NOL4L: variants seen among roughly 807,000 people sequenced by gnomAD.
NOL4L encodes nucleolar protein 4-like.
Under a neutral mutation model 64.5 loss-of-function variants are expected in NOL4L, and 7 were observed. The ratio of observed to expected loss-of-function variants is 0.11; its 90% CI spans 0.06 to 0.20. NOL4L has a LOEUF of 0.20. Ranked by LOEUF, NOL4L falls within the 10% of genes least tolerant of loss-of-function variation. The pLI is 1.00. For synonymous variants in NOL4L, 413 were observed against 401.0 expected, an observed-to-expected ratio of 1.03 and a Z score of -0.36; for missense variants, 680 against 967.1, an observed-to-expected ratio of 0.70 and a Z score of 3.94.
chr20:32,505,723 T>C (rs529801091), intron 4 of NOL4L, among the ~76,000 whole-genome samples: 1 of 152,084 alleles, frequency 6.6e-6, no homozygotes, highest in Admixed American at 6.6e-5. Flanking sequence ...CTCAAAAAAC[T>C]AACAAAAAGG....
chr20:32,452,111 T>G (rs987375017), intron 10 of NOL4L, 125 bp downstream of exon 10: 2 of 781,092 alleles, frequency 2.6e-6, no homozygotes, highest in Non-Finnish European at 3.7e-6. Flanking sequence ...CTCCCTATGC[T>G]GTGAGGCAGC....
intron 3 of NOL4L, chr20:32,519,469 C>T (rs1383822739): frequency 1.2e-5 from 1 of 85,698 alleles, no homozygotes; most frequent in Non-Finnish European, 1.9e-5. Context: ...TTTCCATCCT[C>T]GGGCCTGACT....
In NOL4L at chr20:32,532,263, G is replaced by A. The variant is rs76113117; in HGVS notation, c.322-4350C>T. The A allele has an allele frequency of 0.011, 6,875 of 643,310 alleles. 449 individuals carry two copies. The African/African-American group carries it at 0.13, about 12-fold the overall frequency. 39.9% of individuals were successfully genotyped at this position (643,310 alleles called of 1,614,324 possible). A position where few individuals can be genotyped will look rare whatever the true frequency, so the allele number is the denominator to read the frequency against. On this transcript the variant is annotated intron_variant, in intron 1 of 10. Transcript: ENST00000621426. ...TACAGCAAAGATTTACATAGGAAAG[G>A]AGAGGGCCTGGAGCGACCAGAACTC...
chr20:32,505,971 G>A (rs923496291), intron 4 of NOL4L, among the ~76,000 whole-genome samples: 4 of 152,046 alleles, frequency 2.6e-5, no homozygotes, highest in African/African-American at 9.7e-5. Flanking sequence ...AGTTGGTGAT[G>A]GTTGTGCAAC....
chr20:32,488,715 TTTC>T lies in NOL4L; in HGVS notation c.700-13976_700-13974del, dbSNP rs1313615820. On this transcript the variant is annotated intron_variant, in intron 4 of 10. Coordinates refer to ENST00000621426, the MANE Select transcript of NOL4L (RefSeq NM_001256798.2). ...GCACTGTGTTTACGGGGCACTTGTA[TTTC>T]TTTTTCTTTCTTTCTTTTCTTTCTT... Among the ~76,000 whole-genome samples the T allele has an allele frequency of 9.9e-5, 15 of 152,240 alleles. No individual in the cohort carries two copies. The East Asian group carries it at 2.9e-3, about 29-fold the overall frequency.
In NOL4L at chr20:32,536,799, T is replaced by TGGGC. The variant is rs1555805640; in HGVS notation, c.322-8887_322-8886insGCCC. Among the ~76,000 whole-genome samples the TGGGC allele has an allele frequency of 1.3e-4, 4 of 31,860 alleles. 1 individual carries two copies. The highest frequency in any genetic ancestry group is 5.2e-4 in the African/African-American group (4 of 7,718). 20.9% of individuals were successfully genotyped at this position (31,860 alleles called of 152,430 possible). On this transcript the variant is annotated intron_variant, in intron 1 of 10. Transcript: ENST00000621426. Reference sequence around the variant, plus strand: ...TCCGCGGCTGCAGCCCGGCTGGGAGTGGGGGGGGGGGGGCGCACCAACGGG... The same window carrying TGGGC: ...TCCGCGGCTGCAGCCCGGCTGGGAGTGGGCGGGGGGGGGGGGGCGCACCAACGGG...
intron 1 of NOL4L, among the ~76,000 whole-genome samples, chr20:32,541,626 C>T (rs953741369): frequency 4.6e-5 from 7 of 152,222 alleles, no homozygotes; most frequent in African/African-American, 1.7e-4. Context: ...CTGAGCTGCC[C>T]TCAGAGGCCC....
At chr20:32,488,881 TTC>T (rs1491228910) in intron 4 of NOL4L, among the ~76,000 whole-genome samples, 6 of 100,396 alleles carry the variant, frequency 6.0e-5, no homozygotes, top group African/African-American at 6.2e-5. Flanking sequence ...CTTTCTTTCT[TTC>T]TTTCTTTCTT....
At chr20:32,512,093 G>C (rs1462695151) in intron 3 of NOL4L, among the ~76,000 whole-genome samples, 1 of 152,090 alleles carries the variant, frequency 6.6e-6, no homozygotes, top group Non-Finnish European at 1.5e-5. Context: ...CTTCTTTGAA[G>C]AACATAAGGT....
At chr20:32,511,147 G>A in intron 4 of NOL4L, 200 bp downstream of exon 4, 1 of 497,806 alleles carries the variant, frequency 2.0e-6, no homozygotes. Context: ...CTGCAGGGCT[G>A]TCTGCACAGG....
intron 1 of NOL4L, among the ~76,000 whole-genome samples, chr20:32,579,263 C>T (rs1017691685): frequency 6.6e-6 from 1 of 152,236 alleles, no homozygotes; most frequent in Non-Finnish European, 1.5e-5. Flanking sequence ...CACGCACACA[C>T]ACACAAGCAT....
rs2018180140 is a variant in NOL4L at position 32,527,614 on chromosome 20, G to T, written c.477+144C>A. ...AGCCATCTCTGGCTGCCGTGCCCTTGCCCTGTGCCCCCCTAGATCCCCAAA... is the reference window on the plus strand; with the variant it reads ...AGCCATCTCTGGCTGCCGTGCCCTTTCCCTGTGCCCCCCTAGATCCCCAAA... On this transcript the variant is annotated intron_variant, in intron 2 of 10. Coordinates refer to ENST00000621426, the MANE Select transcript of NOL4L (RefSeq NM_001256798.2). 6 of 911,964 alleles carry T rather than the reference G, an allele frequency of 6.6e-6. No homozygotes were observed. In the South Asian group the frequency reaches 1.2e-4, roughly 18 times the overall value. 56.5% of individuals were successfully genotyped at this position (911,964 alleles called of 1,614,324 possible). A position where few individuals can be genotyped will look rare whatever the true frequency, so the allele number is the denominator to read the frequency against.
intron 1 of NOL4L, chr20:32,532,508 G>T: frequency 3.2e-6 from 1 of 309,856 alleles, no homozygotes; most frequent in Non-Finnish European, 4.7e-6. Flanking sequence ...TAACCTTCAT[G>T]CTAAATGCTG....
Position 32,453,856 on chromosome 20 carries a change from C to T in NOL4L, c.1120-95G>A. On this transcript the variant is annotated intron_variant, in intron 6 of 10. Transcript: ENST00000621426. The surrounding 1 kb of genome is among the most constrained non-coding windows in gnomAD (Gnocchi z 5.6). The stretch of plus-strand genomic sequence containing the variant: ...GCGGTGAGCTTGGGGACCAGGGTGG[C>T]ACGCATGCCCTGCTGCCACGAGAGC... 2 of 1,163,816 alleles carry T rather than the reference C, an allele frequency of 1.7e-6. No individual in the cohort carries two copies. Among genetic ancestry groups the T allele is most frequent in the Admixed American group, 2.2e-5 (1 of 44,806 alleles). The allele number at this position is 1,163,816 out of a possible 1,614,324, so 72.1% of individuals were successfully genotyped here.
At chr20:32,584,515 G>T in intron 1 of NOL4L, 55 bp downstream of exon 1, 3 of 555,934 alleles carry the variant, frequency 5.4e-6, no homozygotes, top group Non-Finnish European at 7.4e-6. Flanking sequence ...GCCCCCGCCC[G>T]CCTGCCCCAA....
rs1293109731 is a variant in NOL4L at position 32,452,933 on chromosome 20, G to A, written c.1571C>T (p.Thr524Ile). The A allele has an allele frequency of 6.2e-7, 1 of 1,614,104 alleles. No homozygotes were observed. The highest frequency in any genetic ancestry group is 2.2e-5 in the East Asian group (1 of 44,874). The change falls in exon 9 of 11, where the codon ACA (threonine) becomes ATA (isoleucine). Residue 524 changes from threonine (T) to isoleucine (I), a missense_variant. Thr to Ile is a moderately conservative substitution (Grantham distance 89, BLOSUM62 -1). This residue lies in a region of NOL4L where 175 missense variants were observed against 227.0 expected (regional missense o/e 0.77). Transcript: ENST00000621426. ...NILAAACESE[T>I]RKAAKRMRLE... ...ACGCATCCGCTTGGCTGCCTTTCTT[G>A]TCTCGCTCTCACAGGCAGCTGCCAG...
intron 5 of NOL4L, among the ~76,000 whole-genome samples, chr20:32,457,809 T>G (rs2145440118): frequency 6.6e-6 from 1 of 152,264 alleles, no homozygotes; most frequent in African/African-American, 2.4e-5. Context: ...TAGCTGCCCC[T>G]CACTGGCTGC....
At position 32,456,104 on chromosome 20, in the gene NOL4L, C is replaced by T; in HGVS notation, c.1119+14G>A. 6.7e-7 allele frequency: 1 copy of T among 1,489,618 alleles called. No homozygotes were observed. Among genetic ancestry groups the T allele is most frequent in the South Asian group, 1.4e-5 (1 of 71,970 alleles). The allele number at this position is 1,489,618 out of a possible 1,614,324, so 92.3% of individuals were successfully genotyped here. ...TTACAGAAAGAAATGGACTCAGCCCCCAGCCCCACACACCTCGGGGGTGGT... is the reference window on the plus strand; with the variant it reads ...TTACAGAAAGAAATGGACTCAGCCCTCAGCCCCACACACCTCGGGGGTGGT... On this transcript the variant is annotated intron_variant, in intron 6 of 10. Coordinates refer to ENST00000621426, the MANE Select transcript of NOL4L (RefSeq NM_001256798.2).
intron 1 of NOL4L, among the ~76,000 whole-genome samples, chr20:32,555,731 G>A (rs1050753413): frequency 1.3e-5 from 2 of 152,090 alleles, no homozygotes; most frequent in Admixed American, 6.5e-5. Flanking sequence ...GAGAAGACAC[G>A]GAGAGAAGTG....
Sources: allele counts gnomAD v4.1 joint callset (sites outside exome capture counted in the v4.1 genomes callset), GRCh38; gene constraint gnomAD v4.1.1; regional missense constraint gnomAD v4.1.1; non-coding constraint Gnocchi (gnomAD v3.1); transcripts MANE v1.5; gene names NCBI Gene and HGNC (gene_info 2026-07-23, HGNC 2026-07-21).